SPHKAP: variants seen among roughly 807,000 people sequenced by gnomAD.
SPHKAP encodes SPHK1 interactor, AKAP domain containing, also known as A-kinase anchor protein SPHKAP.
Under a neutral mutation model 137.5 loss-of-function variants are expected in SPHKAP, and 67 were observed. The ratio of observed to expected loss-of-function variants is 0.49; its 90% confidence interval spans 0.40 to 0.60. SPHKAP has a LOEUF of 0.60. Ranked by LOEUF, SPHKAP falls within the 20% of genes least tolerant of loss-of-function variation. The pLI is 0.00. For missense variants in SPHKAP, 2,097 were observed against 2,069.3 expected, an observed-to-expected ratio of 1.01 and a Z score of -0.26; for synonymous variants, 813 against 785.3, an observed-to-expected ratio of 1.04 and a Z score of -0.59.
chr2:228,121,416 T>C (rs1698900116), intron 2 of SPHKAP, among the ~76,000 whole-genome samples: 1 of 152,102 alleles, frequency 6.6e-6, no homozygotes, highest in Non-Finnish European at 1.5e-5. Context: ...CTCAGGAGGC[T>C]GAGGTGGGAG....
At chr2:227,997,904 C>T (rs1455550037) in intron 7 of SPHKAP, among the ~76,000 whole-genome samples, 2 of 152,198 alleles carry the variant, frequency 1.3e-5, no homozygotes, top group African/African-American at 4.8e-5. Flanking sequence ...TGTCTAGTTT[C>T]ATAAGCAGAG....
At chr2:228,055,638 AG>A (rs1167239367) in intron 3 of SPHKAP, among the ~76,000 whole-genome samples, 1 of 152,190 alleles carries the variant, frequency 6.6e-6, no homozygotes, top group Non-Finnish European at 1.5e-5. Context: ...TCCAGCTCAG[AG>A]GTTAAGGGGA....
intron 1 of SPHKAP, among the ~76,000 whole-genome samples, chr2:228,156,352 A>G (rs573461773): frequency 4.6e-5 from 7 of 152,174 alleles, no homozygotes; most frequent in Non-Finnish European, 1.0e-4. Context: ...TGTCATGGTT[A>G]TATGTCCCGG....
At chr2:228,073,560 G>T (rs940651389) in intron 3 of SPHKAP, among the ~76,000 whole-genome samples, 1 of 152,162 alleles carries the variant, frequency 6.6e-6, no homozygotes, top group Non-Finnish European at 1.5e-5. Flanking sequence ...CTCAGGAAGG[G>T]CTAAAAGACT....
At chr2:228,105,782 T>G (rs934027068) in intron 3 of SPHKAP, among the ~76,000 whole-genome samples, 11 of 152,180 alleles carry the variant, frequency 7.2e-5, no homozygotes, top group Admixed American at 2.6e-4. Flanking sequence ...TGCCACCATA[T>G]GAGTTGTGCC....
intron 3 of SPHKAP, among the ~76,000 whole-genome samples, chr2:228,073,719 C>G (rs1271938778): frequency 6.6e-6 from 1 of 152,184 alleles, no homozygotes; most frequent in Non-Finnish European, 1.5e-5. Context: ...AACCCTTAAA[C>G]CACTGTTACA....
chr2:228,041,661 A>G lies in SPHKAP; in HGVS notation c.247-14118T>C, dbSNP rs1248052663. On this transcript the variant is annotated intron_variant, in intron 3 of 11. Coordinates refer to ENST00000392056, the MANE Select transcript of SPHKAP (RefSeq NM_001142644.2). Reference sequence around the variant, plus strand: ...GACTCTGTCTCAAAAAAAAAAAAAAAAAAAGAAAAAAGAAAACAGTTCTAC... The same window carrying G: ...GACTCTGTCTCAAAAAAAAAAAAAAGAAAAGAAAAAAGAAAACAGTTCTAC... Among the ~76,000 whole-genome samples, 5 of 150,420 alleles carry G rather than the reference A, an allele frequency of 3.3e-5. 1 individual carries two copies. Among genetic ancestry groups the G allele is most frequent in the South Asian group, 4.2e-4 (2 of 4,788 alleles).
chr2:228,082,270 A>G (rs2106316235), intron 3 of SPHKAP, among the ~76,000 whole-genome samples: 1 of 152,320 alleles, frequency 6.6e-6, no homozygotes, highest in Middle Eastern at 3.4e-3. Context: ...TGTAACTGGA[A>G]GACCTGAGTT....
chr2:228,140,029 C>G (rs1699553823), intron 1 of SPHKAP, among the ~76,000 whole-genome samples: 2 of 151,654 alleles, frequency 1.3e-5, no homozygotes, highest in South Asian at 4.2e-4. Context: ...ACTGCAACCT[C>G]CACCTCCTGG....
At chr2:228,148,024 C>T (rs1323172804) in intron 1 of SPHKAP, among the ~76,000 whole-genome samples, 1 of 152,180 alleles carries the variant, frequency 6.6e-6, no homozygotes, top group East Asian at 1.9e-4. Flanking sequence ...TGTGCTCTTT[C>T]CTGGATGCCC....
chr2:228,014,886 T>C (rs1273035815), intron 7 of SPHKAP, among the ~76,000 whole-genome samples: 1 of 152,162 alleles, frequency 6.6e-6, no homozygotes, highest in East Asian at 1.9e-4. Flanking sequence ...AGTAGCTTAA[T>C]TTTTTATTTT....
intron 3 of SPHKAP, among the ~76,000 whole-genome samples, chr2:228,076,255 G>A (rs1697181303): frequency 6.6e-6 from 1 of 152,202 alleles, no homozygotes; most frequent in Admixed American, 6.5e-5. Context: ...TCAGCAGTAT[G>A]AATACGGACT....
intron 2 of SPHKAP, among the ~76,000 whole-genome samples, chr2:228,112,930 A>T: frequency 6.6e-6 from 1 of 152,112 alleles, no homozygotes; most frequent in Admixed American, 6.6e-5. Flanking sequence ...TTCTCATTTG[A>T]CTCTTCCATT....
At chr2:228,147,640 G>A (rs949611832) in intron 1 of SPHKAP, among the ~76,000 whole-genome samples, 3 of 152,162 alleles carry the variant, frequency 2.0e-5, no homozygotes, top group African/African-American at 7.2e-5. Context: ...ATCTCCCTGA[G>A]CTTCAGGTTC....
intron 3 of SPHKAP, among the ~76,000 whole-genome samples, chr2:228,043,519 G>T (rs562427757): frequency 7.2e-5 from 11 of 152,276 alleles, no homozygotes; most frequent in Admixed American, 4.6e-4. Context: ...TAGAGACAGG[G>T]TTTCACCATG....
intron 1 of SPHKAP, among the ~76,000 whole-genome samples, chr2:228,135,962 T>C (rs1559193553): frequency 6.6e-6 from 1 of 152,190 alleles, no homozygotes. Context: ...GCATTTCCAA[T>C]AGGTGACTTT....
intron 3 of SPHKAP, among the ~76,000 whole-genome samples, chr2:228,058,638 T>C (rs1265214554): frequency 6.6e-6 from 1 of 152,222 alleles, no homozygotes; most frequent in African/African-American, 2.4e-5. Context: ...CTAACTTCTT[T>C]ACTACCTACA....
intron 3 of SPHKAP, among the ~76,000 whole-genome samples, chr2:228,045,032 T>G (rs529460627): frequency 4.5e-4 from 68 of 151,840 alleles, no homozygotes; most frequent in East Asian, 5.8e-4. Flanking sequence ...GAAATGCAAA[T>G]CAAAACCACG....
chr2:228,044,594 A>G (rs939789325), intron 3 of SPHKAP, among the ~76,000 whole-genome samples: 10 of 152,212 alleles, frequency 6.6e-5, no homozygotes, highest in Non-Finnish European at 1.2e-4. Context: ...AAAAAAAATG[A>G]CCATTAAATT....
Sources: gnomAD v4.1 joint callset for allele counts (sites outside exome capture counted in the v4.1 genomes callset) on GRCh38, gnomAD v4.1.1 for gene constraint, MANE v1.5 for transcripts, NCBI Gene and HGNC (gene_info 2026-07-23, HGNC 2026-07-21) for gene names.